Variants in FCHSD2 observed in about 807,000 individuals in gnomAD.
FCHSD2 encodes the protein F-BAR and double SH3 domains protein 2.
Under a neutral mutation model 108.1 loss-of-function variants are expected in FCHSD2, and 38 were observed. The observed-to-expected ratio is 0.35, with a 90% confidence interval of 0.27 to 0.46. FCHSD2 has a LOEUF of 0.46. Among genes scored for constraint, FCHSD2 ranks in the 20% least tolerant of loss-of-function variants. The pLI, the probability that FCHSD2 is intolerant of heterozygous loss-of-function variation, is 1.00. For synonymous variants in FCHSD2, 279 were observed against 314.7 expected (o/e 0.89, Z 1.20); for missense variants, 751 against 897.8 (o/e 0.84, Z 2.09).
At chr11:72,895,875 A>G (rs745896076) in intron 10 of FCHSD2, among the ~76,000 whole-genome samples, 1 of 152,222 alleles carries the variant, frequency 6.6e-6, no homozygotes, top group Non-Finnish European at 1.5e-5. Flanking sequence ...ATTCTATCAC[A>G]GCCTTTTTCA....
chr11:73,007,500 C>T lies in FCHSD2; in HGVS notation c.243-6366G>A, dbSNP rs188989972. On this transcript the variant is annotated intron_variant, in intron 4 of 19. Transcript: ENST00000409418. Reference sequence around the variant, plus strand: ...TAGCCAAGCATGGTGGTAGTGGTGGCTATGCAGGAGGTGATGTGGAAGGAT... The same window carrying T: ...TAGCCAAGCATGGTGGTAGTGGTGGTTATGCAGGAGGTGATGTGGAAGGAT... 2.3e-3 allele frequency among the ~76,000 whole-genome samples: 354 copies of T among 152,072 alleles called. 3 individuals are homozygous for T. Among genetic ancestry groups the T allele is most frequent in the Non-Finnish European group, 3.7e-3 (251 of 67,960 alleles).
chr11:73,100,333 T>G (rs2135532122), intron 2 of FCHSD2, among the ~76,000 whole-genome samples: 1 of 120,798 alleles, frequency 8.3e-6, no homozygotes, highest in South Asian at 3.2e-4. Context: ...CTTTACATGC[T>G]TTTGTTGTTG....
intron 3 of FCHSD2, 55 bp from the exon 4 acceptor site, chr11:73,015,940 C>G: frequency 1.0e-6 from 1 of 978,678 alleles, no homozygotes; most frequent in Non-Finnish European, 1.5e-6. Context: ...AAAGGAAGCT[C>G]TTTTCCTTAA....
intron 5 of FCHSD2, among the ~76,000 whole-genome samples, chr11:72,992,992 T>C (rs1052332265): frequency 2.0e-5 from 3 of 152,168 alleles, no homozygotes; most frequent in Non-Finnish European, 2.9e-5. Context: ...TGGGAGAACA[T>C]TTTTGCAATC....
chr11:73,129,345 CAGG>C (rs1860937798), intron 2 of FCHSD2, among the ~76,000 whole-genome samples: 3 of 152,318 alleles, frequency 2.0e-5, no homozygotes, highest in Admixed American at 6.5e-5. Flanking sequence ...GGACACACAA[CAGG>C]AGGTGAGTGG....
At chr11:72,895,472 T>A (rs1855398946) in intron 10 of FCHSD2, among the ~76,000 whole-genome samples, 1 of 152,184 alleles carries the variant, frequency 6.6e-6, no homozygotes, top group Admixed American at 6.5e-5. Context: ...ATAAAGAGTA[T>A]GCCTTTATTT....
chr11:72,843,731 A>G, intron 14 of FCHSD2, 199 bp from the exon 15 acceptor site: 1 of 562,546 alleles, frequency 1.8e-6, no homozygotes, highest in East Asian at 2.9e-5. Flanking sequence ...AAACCATAAC[A>G]AAAACTCAAG....
In FCHSD2 at chr11:72,916,036, G is replaced by A. The variant is rs543676485; in HGVS notation, c.828+5792C>T. 3.9e-5 allele frequency among the ~76,000 whole-genome samples: 6 copies of A among 152,162 alleles called. No homozygotes were observed. In the East Asian group the frequency reaches 5.8e-4, roughly 15 times the overall value. ...AATTATGAGAACACATGGGAACAAC[G>A]CACACTAGGGCCTACCAGAGGGTAG... is the stretch of plus-strand genomic sequence containing the variant. On this transcript the variant is annotated intron_variant, in intron 9 of 19. Transcript: ENST00000409418.
intron 2 of FCHSD2, among the ~76,000 whole-genome samples, chr11:73,123,025 A>C (rs1860770109): frequency 6.6e-6 from 1 of 152,224 alleles, no homozygotes; most frequent in South Asian, 2.1e-4. Context: ...ATCAAAAAAA[A>C]CCACAAAATA....
intron 3 of FCHSD2, among the ~76,000 whole-genome samples, chr11:73,078,333 C>T (rs1565399640): frequency 6.6e-6 from 1 of 152,044 alleles, no homozygotes; most frequent in African/African-American, 2.4e-5. Flanking sequence ...GCAGTTCTAC[C>T]CCCAGACATA....
intron 13 of FCHSD2, among the ~76,000 whole-genome samples, chr11:72,853,446 G>A (rs1043027992): frequency 5.9e-5 from 9 of 152,212 alleles, no homozygotes; most frequent in Middle Eastern, 3.4e-3. Context: ...ACAGAGTCTC[G>A]CTCTGTTGCC....
chr11:72,942,374 CTT>C (rs1200837095), intron 8 of FCHSD2, among the ~76,000 whole-genome samples: 1 of 152,192 alleles, frequency 6.6e-6, no homozygotes, highest in Non-Finnish European at 1.5e-5. Flanking sequence ...AAATAAACCT[CTT>C]TTCTTTATAT....
chr11:73,082,722 TA>T (rs1859725331), intron 3 of FCHSD2, among the ~76,000 whole-genome samples: 1 of 152,162 alleles, frequency 6.6e-6, no homozygotes, highest in African/African-American at 2.4e-5. Flanking sequence ...TCCCATATTT[TA>T]AAATTTTTGC....
intron 8 of FCHSD2, among the ~76,000 whole-genome samples, chr11:72,954,540 G>A (rs1483088211): frequency 1.3e-5 from 2 of 152,022 alleles, no homozygotes; most frequent in Non-Finnish European, 2.9e-5. Context: ...TTATTAATGG[G>A]ATGAATGAGG....
intron 12 of FCHSD2, among the ~76,000 whole-genome samples, chr11:72,880,440 A>G (rs564644417): frequency 2.0e-5 from 3 of 152,302 alleles, no homozygotes; most frequent in South Asian, 4.1e-4. Flanking sequence ...CATCCCAGAA[A>G]TAATGTACTT....
chr11:73,047,960 T>C (rs1005387775), intron 3 of FCHSD2, among the ~76,000 whole-genome samples: 2 of 152,202 alleles, frequency 1.3e-5, no homozygotes, highest in African/African-American at 4.8e-5. Flanking sequence ...AGAGTGATTA[T>C]GTTAACAAAT....
rs151320549 is a variant in FCHSD2, at chr11:73,049,872, TAAA to T, written c.165+33820_165+33822del. Among the ~76,000 whole-genome samples, 1,005 of 149,872 alleles carry T rather than the reference TAAA, an allele frequency of 6.7e-3. 6 individuals carry two copies. Among genetic ancestry groups the T allele is most frequent in the Non-Finnish European group, 0.011 (740 of 67,376 alleles). On this transcript the variant is annotated intron_variant, in intron 3 of 19. Coordinates refer to ENST00000409418, the MANE Select transcript of FCHSD2 (RefSeq NM_014824.3). ...GGTTATTAAAAGCACAAAAGGACCA[TAAA>T]AAAAAAATTGTTTTCAAATTCCTAA...
intron 2 of FCHSD2, among the ~76,000 whole-genome samples, chr11:73,113,695 C>G (rs1408767279): frequency 6.6e-6 from 1 of 152,080 alleles, no homozygotes; most frequent in Non-Finnish European, 1.5e-5. Context: ...GGAAAGTTTT[C>G]CAGGCATTTG....
intron 2 of FCHSD2, among the ~76,000 whole-genome samples, chr11:73,112,766 A>T (rs1359559929): frequency 6.6e-6 from 1 of 152,172 alleles, no homozygotes; most frequent in Non-Finnish European, 1.5e-5. Flanking sequence ...CTCCTGCCTC[A>T]GCCTCCTGAG....
Sources: gnomAD v4.1 joint callset for allele counts (sites outside exome capture counted in the v4.1 genomes callset) on GRCh38, gnomAD v4.1.1 for gene constraint, MANE v1.5 for transcripts, NCBI Gene and HGNC (gene_info 2026-07-23, HGNC 2026-07-21) for gene names.